The following OSBPL8 variants were observed in gnomAD, a reference collection of about 807,000 sequenced individuals.
The protein encoded by OSBPL8 is oxysterol binding protein like 8.
A neutral mutation model predicts 125.5 loss-of-function variants in OSBPL8; 59 were observed. The observed-to-expected ratio is 0.47, with a 90% CI of 0.38 to 0.58. OSBPL8 has a LOEUF of 0.58. Ranked by LOEUF, OSBPL8 falls within the 20% of genes least tolerant of loss-of-function variation. OSBPL8 has a pLI of 0.00. For missense variants in OSBPL8, 758 were observed against 1,047.8 expected (o/e 0.72, Z 3.82); for synonymous variants, 330 against 338.9 (o/e 0.97, Z 0.29).
intron 16 of OSBPL8, 110 bp downstream of exon 16, chr12:76,378,342 A>C (rs1047733276): frequency 6.7e-6 from 5 of 749,474 alleles, no homozygotes; most frequent in Non-Finnish European, 6.5e-6. Flanking sequence ...GATGCTTTCA[A>C]ACAAAATGTA....
intron 21 of OSBPL8, among the ~76,000 whole-genome samples, chr12:76,368,895 T>C (rs1302952474): frequency 1.3e-5 from 2 of 152,086 alleles, no homozygotes; most frequent in African/African-American, 4.8e-5. Context: ...ACGCAGGGGC[T>C]CTTCAAGACT....
chr12:76,385,822 C>T lies in OSBPL8; in HGVS notation c.1533+346G>A, dbSNP rs897023626. Among the ~76,000 whole-genome samples, 4 of 151,386 alleles carry T rather than the reference C, an allele frequency of 2.6e-5. No individual in the cohort carries two copies. The South Asian group carries it at 8.3e-4, about 32-fold the overall frequency. ...GAAAAGATATAAAGGACTTTGAATG[C>T]CAGACAAATGAATGCCACACCACTG... On this transcript the variant is annotated intron_variant, in intron 14 of 23. Coordinates refer to ENST00000261183, the MANE Select transcript of OSBPL8 (RefSeq NM_020841.5).
intron 5 of OSBPL8, among the ~76,000 whole-genome samples, chr12:76,404,489 C>T (rs928712476): frequency 9.9e-5 from 15 of 151,988 alleles, no homozygotes; most frequent in African/African-American, 1.2e-4. Flanking sequence ...TTTTTTTCTA[C>T]GGAAGTTACA....
At chr12:76,459,722 C>G (rs1244347811) in intron 3 of OSBPL8, 137 bp downstream of exon 3, 2 of 983,120 alleles carry the variant, frequency 2.0e-6, no homozygotes, top group Admixed American at 2.2e-5. Context: ...ATATTCTTTA[C>G]TTTATATTTC....
At chr12:76,462,641 G>A (rs1454499713) in intron 2 of OSBPL8, among the ~76,000 whole-genome samples, 1 of 152,176 alleles carries the variant, frequency 6.6e-6, no homozygotes, top group East Asian at 1.9e-4. Flanking sequence ...AAAATTCATG[G>A]TATAATATAT....
At chr12:76,390,054 A>C in intron 11 of OSBPL8, 1 of 409,784 alleles carries the variant, frequency 2.4e-6, no homozygotes, top group South Asian at 8.9e-5. Flanking sequence ...GATCCACTAC[A>C]AAAATATTAT....
chr12:76,364,896 G>T (rs1952357278), intron 21 of OSBPL8, among the ~76,000 whole-genome samples: 1 of 151,622 alleles, frequency 6.6e-6, no homozygotes, highest in South Asian at 2.1e-4. Context: ...TCCCATTTTT[G>T]CAAAAAAATA....
chr12:76,452,052 G>A (rs1223558296), intron 3 of OSBPL8, among the ~76,000 whole-genome samples: 1 of 152,078 alleles, frequency 6.6e-6, no homozygotes, highest in Non-Finnish European at 1.5e-5. Context: ...GGGGGGCAGA[G>A]GTTGCAGTGA....
chr12:76,387,435 A>C (rs12831412), intron 12 of OSBPL8, among the ~76,000 whole-genome samples: 21,814 of 152,174 alleles, frequency 0.14, 2,056 homozygotes, highest in Non-Finnish European at 0.22. Context: ...CTCAACCAGA[A>C]TAATGGATAA....
intron 1 of OSBPL8, among the ~76,000 whole-genome samples, chr12:76,508,399 C>T (rs1592815058): frequency 6.6e-6 from 1 of 152,266 alleles, no homozygotes; most frequent in Middle Eastern, 3.4e-3. Context: ...TTAAGATTTA[C>T]TATGAAGCTG....
intron 2 of OSBPL8, among the ~76,000 whole-genome samples, chr12:76,461,730 C>G (rs539118076): frequency 3.9e-5 from 6 of 152,262 alleles, no homozygotes; most frequent in Middle Eastern, 3.4e-3. Flanking sequence ...AGCCACCGTG[C>G]CCGGCATAGT....
intron 21 of OSBPL8, among the ~76,000 whole-genome samples, chr12:76,366,042 C>A (rs1952401947): frequency 6.6e-6 from 1 of 152,086 alleles, no homozygotes; most frequent in Non-Finnish European, 1.5e-5. Context: ...TTGTTTGTAA[C>A]TTTATTTTCT....
intron 1 of OSBPL8, among the ~76,000 whole-genome samples, chr12:76,521,671 T>C (rs1223093456): frequency 2.0e-5 from 3 of 152,228 alleles, no homozygotes; most frequent in African/African-American, 4.8e-5. Context: ...GAGGACATTA[T>C]GCTAAGTGAA....
intron 1 of OSBPL8, among the ~76,000 whole-genome samples, chr12:76,503,674 G>A (rs1392534730): frequency 6.6e-6 from 1 of 152,032 alleles, no homozygotes; most frequent in Non-Finnish European, 1.5e-5. Context: ...GAGTAGCTGG[G>A]ACTACAGGTG....
chr12:76,431,420 A>G (rs563317228), intron 4 of OSBPL8, among the ~76,000 whole-genome samples: 1 of 152,286 alleles, frequency 6.6e-6, no homozygotes, highest in South Asian at 2.1e-4. Context: ...TTACTTATCA[A>G]TAATTATTTT....
intron 12 of OSBPL8, 25 bp downstream of exon 12, chr12:76,389,619 AT>A (rs750691455): frequency 3.4e-6 from 5 of 1,465,968 alleles, no homozygotes; most frequent in African/African-American, 1.4e-5. Context: ...AGTATTGTCT[AT>A]TTTAAGAAAT....
At position 76,511,175 on chromosome 12, in the gene OSBPL8, C is replaced by T. The variant is rs193031615; in HGVS notation, c.-67-23557G>A. 5.8e-4 allele frequency among the ~76,000 whole-genome samples: 89 copies of T among 152,296 alleles called. 1 individual carries two copies. Among genetic ancestry groups the T allele is most frequent in the Non-Finnish European group, 6.9e-4 (47 of 68,014 alleles). On this transcript the variant is annotated intron_variant, in intron 1 of 23. Coordinates refer to ENST00000261183, the MANE Select transcript of OSBPL8 (RefSeq NM_020841.5). Reference sequence around the variant, plus strand: ...GGCATTTAGGTTGATTCCGTGTCTTCGCCATTATGAACAGCACTGCAAAGA... The same window carrying T: ...GGCATTTAGGTTGATTCCGTGTCTTTGCCATTATGAACAGCACTGCAAAGA...
At chr12:76,506,458 G>C (rs1222132938) in intron 1 of OSBPL8, among the ~76,000 whole-genome samples, 2 of 152,134 alleles carry the variant, frequency 1.3e-5, no homozygotes, top group African/African-American at 4.8e-5. Flanking sequence ...AGACAGAAAA[G>C]AACCCAAGAT....
chr12:76,485,873 T>G (rs182356706), intron 2 of OSBPL8, among the ~76,000 whole-genome samples: 93 of 152,298 alleles, frequency 6.1e-4, no homozygotes, highest in African/African-American at 2.2e-3. Flanking sequence ...CAACTGATAT[T>G]TTTAATATCA....
Sources: allele counts gnomAD v4.1 joint callset (sites outside exome capture counted in the v4.1 genomes callset), GRCh38; gene constraint gnomAD v4.1.1; transcripts MANE v1.5; gene names NCBI Gene and HGNC (gene_info 2026-07-23, HGNC 2026-07-21).